Variants in DLG2 observed in about 807,000 individuals in gnomAD.
DLG2 encodes the protein disks large homolog 2.
A neutral mutation model predicts 132.5 loss-of-function variants in DLG2; 45 were observed. The observed-to-expected ratio is 0.34, with a 90% CI of 0.27 to 0.44. The LOEUF is 0.44. Among genes scored for constraint, DLG2 ranks in the 20% least tolerant of loss-of-function variants. DLG2 has a pLI of 1.00. For missense variants in DLG2, 1,045 were observed against 1,196.9 expected (o/e 0.87, Z 1.87); for synonymous variants, 424 against 419.6 (o/e 1.01, Z -0.13).
At chr11:83,534,818 C>G (rs2095842924) in intron 20 of DLG2, among the ~76,000 whole-genome samples, 1 of 152,136 alleles carries the variant, frequency 6.6e-6, no homozygotes, top group African/African-American at 2.4e-5. Flanking sequence ...TGGCGGACAC[C>G]TGTAATCCCA....
intron 15 of DLG2, among the ~76,000 whole-genome samples, chr11:83,890,004 A>C (rs1268362187): frequency 6.6e-6 from 1 of 151,812 alleles, no homozygotes; most frequent in African/African-American, 2.4e-5. Flanking sequence ...AGATATACCT[A>C]ATGCTAACTG....
At chr11:83,863,812 A>G (rs956948069) in intron 16 of DLG2, among the ~76,000 whole-genome samples, 2 of 152,150 alleles carry the variant, frequency 1.3e-5, no homozygotes, top group African/African-American at 4.8e-5. Context: ...CCAAAAGGCC[A>G]TCTTCTTTAA....
At chr11:84,938,157 A>T (rs1167465924) in intron 6 of DLG2, among the ~76,000 whole-genome samples, 1 of 152,234 alleles carries the variant, frequency 6.6e-6, no homozygotes, top group Non-Finnish European at 1.5e-5. Context: ...CTACAAAGTT[A>T]TGGAACCAAA....
At chr11:84,384,683 G>T (rs892278778) in intron 7 of DLG2, among the ~76,000 whole-genome samples, 2 of 151,832 alleles carry the variant, frequency 1.3e-5, no homozygotes, top group African/African-American at 4.8e-5. Flanking sequence ...ATATTAGAAA[G>T]ATAACTCCGA....
At chr11:85,028,977 C>G (rs1022601044) in intron 6 of DLG2, among the ~76,000 whole-genome samples, 9 of 152,292 alleles carry the variant, frequency 5.9e-5, no homozygotes, top group African/African-American at 2.2e-4. Flanking sequence ...CAGCTGCCCT[C>G]ATAATGTAAT....
intron 6 of DLG2, among the ~76,000 whole-genome samples, chr11:84,559,387 A>G (rs11234077): frequency 5.6e-4 from 86 of 152,306 alleles, no homozygotes; most frequent in Non-Finnish European, 1.0e-3. Context: ...CAATGTGTGC[A>G]TATGTAAATT....
intron 18 of DLG2, among the ~76,000 whole-genome samples, chr11:83,735,072 T>C (rs1000165522): frequency 2.0e-5 from 3 of 152,044 alleles, no homozygotes; most frequent in African/African-American, 7.3e-5. Flanking sequence ...TGTATGTGTG[T>C]CCTCTGTTTT....
intron 6 of DLG2, among the ~76,000 whole-genome samples, chr11:85,019,863 C>A (rs1369017536): frequency 1.4e-4 from 21 of 152,250 alleles, no homozygotes; most frequent in South Asian, 4.1e-4. Flanking sequence ...AATCCAGTCT[C>A]TCATTGATGG....
intron 3 of DLG2, among the ~76,000 whole-genome samples, chr11:85,490,983 A>T (rs1597866767): frequency 6.6e-6 from 1 of 152,172 alleles, no homozygotes; most frequent in East Asian, 1.9e-4. Flanking sequence ...AGAAAACTAT[A>T]GACCAATATC....
At chr11:83,832,989 A>G (rs1240686637) in intron 17 of DLG2, among the ~76,000 whole-genome samples, 1 of 152,208 alleles carries the variant, frequency 6.6e-6, no homozygotes, top group East Asian at 1.9e-4. Flanking sequence ...TTTTTAAATA[A>G]AATAAGTAAT....
At chr11:84,499,616 T>C (rs1260300973) in intron 7 of DLG2, among the ~76,000 whole-genome samples, 3 of 152,246 alleles carry the variant, frequency 2.0e-5, no homozygotes, top group Non-Finnish European at 4.4e-5. Context: ...TAACAGTTTT[T>C]ACTTTACTTA....
At chr11:83,881,283 T>C (rs11233775) in intron 15 of DLG2, among the ~76,000 whole-genome samples, 14,675 of 152,110 alleles carry the variant, frequency 0.096, 843 homozygotes, top group Middle Eastern at 0.2. Context: ...TCTTATATAT[T>C]TGTGACCTCA....
At chr11:85,547,782 T>C (rs1247287133) in intron 3 of DLG2, among the ~76,000 whole-genome samples, 1 of 152,102 alleles carries the variant, frequency 6.6e-6, no homozygotes, top group Non-Finnish European at 1.5e-5. Context: ...AATTTGGCTA[T>C]TGATATTTGC....
chr11:84,770,291 C>T (rs1294829005), intron 6 of DLG2, among the ~76,000 whole-genome samples: 1 of 152,134 alleles, frequency 6.6e-6, no homozygotes, highest in Admixed American at 6.5e-5. Flanking sequence ...GAATAATAAT[C>T]CCATTAAAAA....
intron 2 of DLG2, among the ~76,000 whole-genome samples, chr11:85,613,360 C>G (rs2081131874): frequency 6.6e-6 from 1 of 152,190 alleles, no homozygotes; most frequent in African/African-American, 2.4e-5. Context: ...CTGGAGGACA[C>G]CACAACTGCA....
At chr11:85,591,638 G>A (rs558752792) in intron 3 of DLG2, among the ~76,000 whole-genome samples, 23 of 152,282 alleles carry the variant, frequency 1.5e-4, no homozygotes, top group African/African-American at 4.8e-4. Context: ...AGTTACTCAG[G>A]AGGCTGAGGC....
At chr11:84,440,223 T>C (rs1241185682) in intron 7 of DLG2, among the ~76,000 whole-genome samples, 1 of 152,222 alleles carries the variant, frequency 6.6e-6, no homozygotes, top group Non-Finnish European at 1.5e-5. Context: ...ATAACTATTG[T>C]TTCTTAAATA....
At chr11:85,434,000 C>A (rs563487078) in intron 3 of DLG2, among the ~76,000 whole-genome samples, 2 of 152,154 alleles carry the variant, frequency 1.3e-5, no homozygotes, top group Admixed American at 1.3e-4. Context: ...AATTAGAACT[C>A]AGGATTAAGA....
At chr11:84,487,454 A>G (rs2099153953) in intron 7 of DLG2, among the ~76,000 whole-genome samples, 1 of 152,132 alleles carries the variant, frequency 6.6e-6, no homozygotes, top group Non-Finnish European at 1.5e-5. Flanking sequence ...TATATAGCTG[A>G]TGGTCATCAA....
Sources: gnomAD v4.1 joint callset for allele counts (sites outside exome capture counted in the v4.1 genomes callset) on GRCh38, gnomAD v4.1.1 for gene constraint, MANE v1.5 for transcripts, NCBI Gene and HGNC (gene_info 2026-07-23, HGNC 2026-07-21) for gene names.